RXFP1: variants seen among roughly 807,000 people sequenced by gnomAD.
The protein encoded by RXFP1 is relaxin receptor 1.
A neutral mutation model predicts 89.8 loss-of-function variants in RXFP1; 73 were observed. The ratio of observed to expected loss-of-function variants is 0.81; its 90% CI spans 0.67 to 0.99. The LOEUF (loss-of-function observed/expected upper bound fraction) is 0.99, where lower values mean the gene tolerates loss of function less well. Ranked by LOEUF, RXFP1 falls within the 50% of genes least tolerant of loss-of-function variation. RXFP1 has a pLI of 0.00. For missense variants in RXFP1, 793 were observed against 895.5 expected (o/e 0.89, Z 1.46); for synonymous variants, 277 against 305.5 (o/e 0.91, Z 0.97).
At chr4:158,641,775 T>C (rs991901819) in intron 14 of RXFP1, among the ~76,000 whole-genome samples, 4 of 152,154 alleles carry the variant, frequency 2.6e-5, no homozygotes, top group Non-Finnish European at 5.9e-5. Flanking sequence ...TCAATTTGCA[T>C]ATTTAGTAGA....
At chr4:158,530,526 G>A (rs1743762194) in intron 1 of RXFP1, among the ~76,000 whole-genome samples, 1 of 152,186 alleles carries the variant, frequency 6.6e-6, no homozygotes, top group Non-Finnish European at 1.5e-5. Context: ...AGTTGTGGCT[G>A]ATTTGCTGGA....
chr4:158,599,757 A>G (rs907947363), intron 4 of RXFP1, among the ~76,000 whole-genome samples: 1 of 152,186 alleles, frequency 6.6e-6, no homozygotes, highest in Non-Finnish European at 1.5e-5. Flanking sequence ...GAGCTTTCCT[A>G]TTATATAGAA....
intron 1 of RXFP1, among the ~76,000 whole-genome samples, chr4:158,558,291 A>C (rs1044433185): frequency 1.3e-5 from 2 of 152,194 alleles, no homozygotes; most frequent in African/African-American, 4.8e-5. Flanking sequence ...CACAGCCGGG[A>C]GGAACACAGA....
intron 3 of RXFP1, among the ~76,000 whole-genome samples, chr4:158,596,906 G>T (rs900730308): frequency 1.3e-5 from 2 of 152,150 alleles, no homozygotes; most frequent in Non-Finnish European, 2.9e-5. Context: ...GCGTGATCCT[G>T]CACCCTGGAA....
chr4:158,607,051 A>G, intron 5 of RXFP1: 1 of 1,535,064 alleles, frequency 6.5e-7, no homozygotes. Context: ...CTTTCAGGAC[A>G]CTCTAAAGAA....
At chr4:158,542,109 A>ATT (rs56032847) in intron 1 of RXFP1, among the ~76,000 whole-genome samples, 33 of 35,230 alleles carry the variant, frequency 9.4e-4, no homozygotes, top group South Asian at 2.4e-3. Flanking sequence ...ATATATATAT[A>ATT]TTTTTTTTTT....
At chr4:158,617,570 C>G (rs1206479618) in intron 9 of RXFP1, among the ~76,000 whole-genome samples, 5 of 151,928 alleles carry the variant, frequency 3.3e-5, no homozygotes, top group Admixed American at 6.6e-5. Flanking sequence ...TTTAATTTCA[C>G]TCTAGAATTC....
At chr4:158,646,639 C>A (rs1771603976) in intron 15 of RXFP1, 152 bp from the exon 16 acceptor site, 1 of 1,427,014 alleles carries the variant, frequency 7.0e-7, no homozygotes. Flanking sequence ...AGATCCTCAT[C>A]TGTAAATGAA....
chr4:158,577,307 G>A (rs1756457751), intron 2 of RXFP1, among the ~76,000 whole-genome samples: 1 of 152,104 alleles, frequency 6.6e-6, no homozygotes, highest in Admixed American at 6.6e-5. Flanking sequence ...AAAGTGCTGG[G>A]ATTACAGGCA....
chr4:158,527,564 A>AAAAAATATATATATATATATATAT (rs5741905), intron 1 of RXFP1, among the ~76,000 whole-genome samples: 47 of 98,304 alleles, frequency 4.8e-4, no homozygotes, highest in African/African-American at 1.6e-3. Context: ...AAAAAAAAAA[A>AAAAAATATATATATATATATATAT]ATATATATAT....
intron 1 of RXFP1, among the ~76,000 whole-genome samples, chr4:158,548,351 T>C (rs932733607): frequency 1.3e-4 from 20 of 152,182 alleles, no homozygotes; most frequent in African/African-American, 4.6e-4. Flanking sequence ...TGTCTCTGCA[T>C]GTGAGATGGG....
intron 1 of RXFP1, among the ~76,000 whole-genome samples, chr4:158,569,836 G>A (rs1291803964): frequency 6.6e-6 from 1 of 152,144 alleles, no homozygotes; most frequent in African/African-American, 2.4e-5. Flanking sequence ...TAAGATTAAA[G>A]CATTCGAAAC....
chr4:158,599,483 T>C, intron 4 of RXFP1, 52 bp downstream of exon 4: 2 of 1,398,808 alleles, frequency 1.4e-6, no homozygotes, highest in African/African-American at 1.4e-5. Flanking sequence ...ACCTGTAAAA[T>C]TGTATTATAA....
intron 1 of RXFP1, among the ~76,000 whole-genome samples, chr4:158,556,605 T>C (rs1751365467): frequency 6.6e-6 from 1 of 152,198 alleles, no homozygotes. Context: ...AAGAGATATC[T>C]GCACTCTTAT....
chr4:158,548,695 A>C lies in RXFP1; in HGVS notation c.50-24003A>C, dbSNP rs559556413. On this transcript the variant is annotated intron_variant, in intron 1 of 17. Coordinates refer to ENST00000307765, the MANE Select transcript of RXFP1 (RefSeq NM_021634.4). Reference sequence around the variant, plus strand: ...TGCTTGTCTGTAAAGGATTTTATTTATCCTTCACTTTTGAAGCTTAGTTTA... The same window carrying C: ...TGCTTGTCTGTAAAGGATTTTATTTCTCCTTCACTTTTGAAGCTTAGTTTA... Among the ~76,000 whole-genome samples, 43 of 152,184 alleles carry C rather than the reference A, an allele frequency of 2.8e-4. No homozygotes were observed. In the East Asian group the frequency reaches 7.3e-3, roughly 26 times the overall value.
intron 1 of RXFP1, among the ~76,000 whole-genome samples, chr4:158,542,637 C>T (rs1747094886): frequency 6.6e-6 from 1 of 152,168 alleles, no homozygotes; most frequent in African/African-American, 2.4e-5. Flanking sequence ...CAAACAAAAA[C>T]ATCACATTTA....
chr4:158,598,731 A>C (rs1324554892), intron 3 of RXFP1, among the ~76,000 whole-genome samples: 1 of 151,996 alleles, frequency 6.6e-6, no homozygotes, highest in East Asian at 1.9e-4. Flanking sequence ...ATGCAGAAAA[A>C]ACATTCACTC....
chr4:158,562,256 C>G (rs931787632), intron 1 of RXFP1, among the ~76,000 whole-genome samples: 1 of 152,098 alleles, frequency 6.6e-6, no homozygotes, highest in Non-Finnish European at 1.5e-5. Flanking sequence ...AAATTTATCA[C>G]AGTTTAAAAT....
chr4:158,572,165 T>G (rs1755214811), intron 1 of RXFP1, among the ~76,000 whole-genome samples: 1 of 152,198 alleles, frequency 6.6e-6, no homozygotes, highest in Middle Eastern at 3.2e-3. Flanking sequence ...GGCTTTCTCA[T>G]CATGAGGAAA....
Sources: gnomAD v4.1 joint callset for allele counts (sites outside exome capture counted in the v4.1 genomes callset) on GRCh38, gnomAD v4.1.1 for gene constraint, MANE v1.5 for transcripts, NCBI Gene and HGNC (gene_info 2026-07-23, HGNC 2026-07-21) for gene names.